The following DIAPH3 variants were observed in gnomAD, a reference collection of about 807,000 sequenced individuals.
The protein encoded by DIAPH3 is protein diaphanous homolog 3.
In DIAPH3, 117 loss-of-function variants were observed where a neutral mutation model predicts 144.3. The observed-to-expected ratio is 0.81, with a 90% CI of 0.70 to 0.95. DIAPH3 has a LOEUF of 0.95. Among genes scored for constraint, DIAPH3 ranks in the 40% least tolerant of loss-of-function variants. The probability of loss-of-function intolerance (pLI) is 0.00; values close to 1 mark genes in which losing one functional copy is unlikely to be tolerated. For synonymous variants in DIAPH3, 519 were observed against 488.9 expected (o/e 1.06, Z -0.81); for missense variants, 1,421 against 1,412.7 (o/e 1.01, Z -0.09).
At chr13:60,105,291 A>G (rs187741400) in intron 3 of DIAPH3, among the ~76,000 whole-genome samples, 14 of 152,226 alleles carry the variant, frequency 9.2e-5, no homozygotes, top group African/African-American at 3.4e-4. Context: ...TATGACTGAG[A>G]AAAGGCCTTC....
intron 27 of DIAPH3, among the ~76,000 whole-genome samples, chr13:59,727,533 T>C (rs2035662735): frequency 6.6e-6 from 1 of 152,202 alleles, no homozygotes. Flanking sequence ...ACTTAACCTC[T>C]CTGTGTCTAA....
At chr13:59,945,482 G>A (rs1432407495) in intron 17 of DIAPH3, among the ~76,000 whole-genome samples, 1 of 152,284 alleles carries the variant, frequency 6.6e-6, no homozygotes, top group Admixed American at 6.5e-5. Context: ...CTGGCTGCAT[G>A]ATTTGCCATG....
chr13:60,032,184 T>C (rs1010461146), intron 5 of DIAPH3, among the ~76,000 whole-genome samples: 6 of 152,152 alleles, frequency 3.9e-5, no homozygotes, highest in African/African-American at 1.4e-4. Flanking sequence ...GATGCCAGCA[T>C]TGAGTGTCTA....
At chr13:59,757,419 GA>G (rs2037339694) in intron 27 of DIAPH3, among the ~76,000 whole-genome samples, 1 of 20,066 alleles carries the variant, frequency 5.0e-5, no homozygotes, top group African/African-American at 1.6e-4. Context: ...TTTTTTTTTT[GA>G]GATGGAGTCT....
chr13:59,742,167 C>T (rs1017155285), intron 27 of DIAPH3, among the ~76,000 whole-genome samples: 2 of 152,068 alleles, frequency 1.3e-5, no homozygotes, highest in African/African-American at 2.4e-5. Context: ...AGAAACCACC[C>T]CCATGATTTA....
intron 17 of DIAPH3, among the ~76,000 whole-genome samples, chr13:59,967,243 T>A (rs961854273): frequency 2.6e-5 from 4 of 151,858 alleles, no homozygotes; most frequent in South Asian, 2.1e-4. Context: ...TTTTTTTTTT[T>A]AATTTTTTTT....
At chr13:59,699,805 G>A (rs991244420) in intron 27 of DIAPH3, among the ~76,000 whole-genome samples, 1 of 152,124 alleles carries the variant, frequency 6.6e-6, no homozygotes, top group Non-Finnish European at 1.5e-5. Flanking sequence ...CCAAACTTGA[G>A]TATGCAGCTC....
At chr13:59,775,751 T>A (rs529540588) in intron 25 of DIAPH3, among the ~76,000 whole-genome samples, 26 of 152,178 alleles carry the variant, frequency 1.7e-4, no homozygotes, top group Non-Finnish European at 3.8e-4. Context: ...TCTTCTATAA[T>A]GAGAAATAAA....
chr13:59,762,871 C>A (rs147289608), intron 27 of DIAPH3, among the ~76,000 whole-genome samples: 1 of 152,034 alleles, frequency 6.6e-6, no homozygotes, highest in South Asian at 2.1e-4. Flanking sequence ...TGGGTTGATG[C>A]CATTATTGTG....
chr13:59,862,495 T>C (rs1176050314), intron 21 of DIAPH3, among the ~76,000 whole-genome samples: 1 of 151,324 alleles, frequency 6.6e-6, no homozygotes, highest in Non-Finnish European at 1.5e-5. Flanking sequence ...TGAATGGAGG[T>C]TGTGCCTGGG....
intron 20 of DIAPH3, among the ~76,000 whole-genome samples, chr13:59,904,938 A>G (rs1256042021): frequency 6.6e-6 from 1 of 152,190 alleles, no homozygotes; most frequent in African/African-American, 2.4e-5. Flanking sequence ...CTTCGATCTC[A>G]TTTAATAACC....
chr13:59,980,967 C>G, intron 13 of DIAPH3, 108 bp from the exon 14 acceptor site: 1 of 842,392 alleles, frequency 1.2e-6, no homozygotes, highest in Non-Finnish European at 1.9e-6. Context: ...AATACTGATA[C>G]TACCAGTAAT....
chr13:59,860,133 A>G (rs2043494191), intron 22 of DIAPH3, among the ~76,000 whole-genome samples: 1 of 152,196 alleles, frequency 6.6e-6, no homozygotes, highest in South Asian at 2.1e-4. Flanking sequence ...CTTTGTCAAT[A>G]AAGTTCTATA....
At chr13:59,946,393 G>GA (rs2048797043) in intron 17 of DIAPH3, among the ~76,000 whole-genome samples, 1 of 152,048 alleles carries the variant, frequency 6.6e-6, no homozygotes, top group South Asian at 2.1e-4. Flanking sequence ...AGTGATGAGA[G>GA]AAAAAAACCT....
intron 22 of DIAPH3, among the ~76,000 whole-genome samples, chr13:59,841,732 A>G (rs984893236): frequency 6.6e-6 from 1 of 152,214 alleles, no homozygotes; most frequent in African/African-American, 2.4e-5. Flanking sequence ...GACAATAAAA[A>G]TAATAGTAAT....
At chr13:59,942,617 A>T (rs1358017445) in intron 17 of DIAPH3, among the ~76,000 whole-genome samples, 1 of 152,180 alleles carries the variant, frequency 6.6e-6, no homozygotes, top group Non-Finnish European at 1.5e-5. Flanking sequence ...TATTCCCCAA[A>T]GGAAACTATT....
rs1555286514 is a variant in DIAPH3 at position 59,742,566 on chromosome 13, G to GAAAAGACAAGAA, written c.3319+31622_3319+31623insTTCTTGTCTTTT. Among the ~76,000 whole-genome samples, 424 of 132,754 alleles carry GAAAAGACAAGAA rather than the reference G, an allele frequency of 3.2e-3. 2 individuals carry two copies. Among genetic ancestry groups the GAAAAGACAAGAA allele is most frequent in the Middle Eastern group, 0.012 (3 of 254 alleles). The allele number at this position is 132,754 out of a possible 152,430, so 87.1% of individuals were successfully genotyped here. A position where few individuals can be genotyped will look rare whatever the true frequency, so the allele number is the denominator to read the frequency against. ...GTAAGCATGGATGCTGCTAAAAGAA[G>GAAAAGACAAGAA]AAAAGAAAAGAAAGAAAAGGAAAGA... On this transcript the variant is annotated intron_variant, in intron 27 of 27. Transcript: ENST00000400324.
chr13:59,757,324 T>C (rs995749823), intron 27 of DIAPH3, among the ~76,000 whole-genome samples: 2 of 122,448 alleles, frequency 1.6e-5, no homozygotes, highest in African/African-American at 6.9e-5. Flanking sequence ...CTATATATAA[T>C]GGTAAAAAAA....
chr13:60,062,721 G>A (rs976806537), intron 4 of DIAPH3, among the ~76,000 whole-genome samples: 2 of 152,126 alleles, frequency 1.3e-5, no homozygotes, highest in East Asian at 1.9e-4. Flanking sequence ...AGTGAGTCAC[G>A]TGAACTTTTT....
Sources: allele counts gnomAD v4.1 joint callset (sites outside exome capture counted in the v4.1 genomes callset), GRCh38; gene constraint gnomAD v4.1.1; transcripts MANE v1.5; gene names NCBI Gene and HGNC (gene_info 2026-07-23, HGNC 2026-07-21).